Variants in CREBRF observed in about 807,000 individuals in gnomAD.
The protein encoded by CREBRF is UPF0474 protein C5orf41.
CREBRF carries 5 observed loss-of-function variants against 66.1 expected under a neutral mutation model. The ratio of observed to expected loss-of-function variants is 0.08; its 90% CI spans 0.04 to 0.16. The LOEUF (loss-of-function observed/expected upper bound fraction) is 0.16. Ranked by LOEUF, CREBRF falls within the 10% of genes least tolerant of loss-of-function variation. The pLI is 1.00. For missense variants in CREBRF, 531 were observed against 744.9 expected (o/e 0.71, Z 3.34); for synonymous variants, 229 against 264.4 (o/e 0.87, Z 1.30).
At chr5:173,121,074 C>A (rs1759128444) in intron 7 of CREBRF, among the ~76,000 whole-genome samples, 1 of 151,984 alleles carries the variant, frequency 6.6e-6, no homozygotes, top group Middle Eastern at 3.2e-3. Context: ...TTGTTAGCAC[C>A]ATATTTTCTT....
chr5:173,090,181 A>G lies in CREBRF; in HGVS notation c.136-134A>G. 1 of 575,320 alleles carries G rather than the reference A, an allele frequency of 1.7e-6. No individual in the cohort carries two copies. The highest frequency in any genetic ancestry group is 3.0e-6 in the Non-Finnish European group (1 of 335,236). The allele number at this position is 575,320 out of a possible 1,614,324, so 35.6% of individuals were successfully genotyped here. On this transcript the variant is annotated intron_variant, in intron 3 of 8. Coordinates refer to ENST00000296953, the MANE Select transcript of CREBRF (RefSeq NM_153607.3). The surrounding 1 kb of genome is among the most constrained non-coding windows in gnomAD (Gnocchi z 4.5). ...GGAAATGATGACATTATATGAAATG[A>G]TAAAGCGTCCTGTCAGTAGCCTTTA...
chr5:173,111,137 T>A (rs1758859819), intron 6 of CREBRF, among the ~76,000 whole-genome samples: 1 of 152,214 alleles, frequency 6.6e-6, no homozygotes, highest in Non-Finnish European at 1.5e-5. Context: ...TCCTTATGTC[T>A]CTTTGTAAAA....
intron 4 of CREBRF, among the ~76,000 whole-genome samples, chr5:173,107,691 T>C (rs1276866485): frequency 6.6e-6 from 1 of 152,118 alleles, no homozygotes; most frequent in African/African-American, 2.4e-5. Flanking sequence ...TGTATACAGC[T>C]GGGCTAGGCA....
chr5:173,062,753 T>TC (rs1456202250), intron 1 of CREBRF, among the ~76,000 whole-genome samples: 1 of 148,486 alleles, frequency 6.7e-6, no homozygotes, highest in Non-Finnish European at 1.5e-5. Context: ...CATTCTTTTT[T>TC]TTTTTTTTTT....
At chr5:173,091,430 C>T in intron 4 of CREBRF, 29 bp downstream of exon 4, 2 of 1,601,184 alleles carry the variant, frequency 1.2e-6, no homozygotes, top group Non-Finnish European at 1.7e-6. Flanking sequence ...GCTTACCAGA[C>T]TGACCTTTGT....
At chr5:173,063,634 G>A (rs1757348390) in intron 1 of CREBRF, among the ~76,000 whole-genome samples, 1 of 151,936 alleles carries the variant, frequency 6.6e-6, no homozygotes, top group African/African-American at 2.4e-5. Context: ...CTCTCAAAGT[G>A]CTGGGATTAC....
At chr5:173,071,353 AG>A (rs2113681147) in intron 1 of CREBRF, among the ~76,000 whole-genome samples, 1 of 152,196 alleles carries the variant, frequency 6.6e-6, no homozygotes, top group Non-Finnish European at 1.5e-5. Flanking sequence ...CTGGGATTAC[AG>A]GTGTGAGCCA....
At position 173,116,239 on chromosome 5, in the gene CREBRF, C is replaced by T. The variant is rs143612380; in HGVS notation, c.1681+3860C>T. 6.6e-4 allele frequency among the ~76,000 whole-genome samples: 101 copies of T among 152,226 alleles called. 1 individual carries two copies. The highest frequency in any genetic ancestry group is 2.2e-3 in the African/African-American group (91 of 41,526). ...AAATGTGTTTTCCTTACAGCTTTAC[C>T]GAGGTATAATTGAAGTACAGTACCT... is the stretch of plus-strand genomic sequence containing the variant. On this transcript the variant is annotated intron_variant, in intron 7 of 8. Coordinates refer to ENST00000296953, the MANE Select transcript of CREBRF (RefSeq NM_153607.3).
intron 1 of CREBRF, among the ~76,000 whole-genome samples, chr5:173,065,845 C>T (rs747293640): frequency 1.4e-4 from 21 of 151,880 alleles, no homozygotes; most frequent in Admixed American, 5.3e-4. Flanking sequence ...CCACATTGCC[C>T]AGGCTGGTCT....
chr5:173,088,865 A>G (rs1758243543), intron 3 of CREBRF, among the ~76,000 whole-genome samples: 1 of 152,084 alleles, frequency 6.6e-6, no homozygotes, highest in Non-Finnish European at 1.5e-5. Context: ...GTGAAATTAT[A>G]CTTCAGTAAA....
chr5:173,133,413 G>C (rs1759519315), intron 8 of CREBRF, among the ~76,000 whole-genome samples: 1 of 152,160 alleles, frequency 6.6e-6, no homozygotes, highest in Non-Finnish European at 1.5e-5. Context: ...ATTTTTCATG[G>C]CTATCCTTGG....
chr5:173,082,095 G>C (rs188299191), intron 2 of CREBRF, among the ~76,000 whole-genome samples: 7,224 of 132,058 alleles, frequency 0.055, 244 homozygotes, highest in Middle Eastern at 0.12. Context: ...CTCACTGCAA[G>C]CTCCACCTCC....
intron 1 of CREBRF, among the ~76,000 whole-genome samples, chr5:173,064,967 C>G (rs1171850110): frequency 6.6e-6 from 1 of 152,106 alleles, no homozygotes; most frequent in African/African-American, 2.4e-5. Context: ...CCTCAGCCTC[C>G]CAAAGTGTTG....
At chr5:173,085,548 C>G in intron 2 of CREBRF, 1 of 551,754 alleles carries the variant, frequency 1.8e-6, no homozygotes, top group East Asian at 3.1e-5. Flanking sequence ...TCCTGAGTAG[C>G]TGGGATTACA....
intron 3 of CREBRF, among the ~76,000 whole-genome samples, chr5:173,088,436 C>T (rs1248564113): frequency 5.6e-5 from 7 of 125,368 alleles, no homozygotes; most frequent in East Asian, 2.3e-4. Flanking sequence ...TTGCAGTGAG[C>T]GGAGATTGCA....
chr5:173,091,338 G>C lies in CREBRF; in HGVS notation c.1159G>C (p.Glu387Gln). 6.2e-7 allele frequency: 1 copy of C among 1,613,414 alleles called. No individual in the cohort carries two copies. Among genetic ancestry groups the C allele is most frequent in the Non-Finnish European group, 8.5e-7 (1 of 1,179,524 alleles). The change falls in exon 4 of 9, where the codon GAA becomes CAA. Residue 387 changes from glutamate to glutamine, a missense_variant. Glu to Gln is a conservative substitution (Grantham distance 29). Coordinates refer to ENST00000296953, the MANE Select transcript of CREBRF (RefSeq NM_153607.3). ...HELSENEEEE[E>Q]EEEDYEDDKD... is the part of the protein sequence containing the mutation. ...ACTGTCTGAAAATGAGGAGGAGGAA[G>C]AAGAGGAAGAGGATTATGAAGATGA...
intron 1 of CREBRF, among the ~76,000 whole-genome samples, chr5:173,058,623 A>G (rs987767683): frequency 6.6e-6 from 1 of 150,394 alleles, no homozygotes; most frequent in Non-Finnish European, 1.5e-5. Flanking sequence ...AGCTGGGACT[A>G]CAGGCGCCCG....
rs375508404 is a variant in CREBRF at position 173,133,737 on chromosome 5, A to G, written c.1912A>G (p.Lys638Glu). ...GLVGLRIPTSKV is the reference protein window; with the variant it reads ...GLVGLRIPTSEV Reference sequence around the variant, plus strand: ...TGTAGGATTAAGGATACCAACATCAAAGGTGTAATCAGCCTCATTGGACCA... The same window carrying G: ...TGTAGGATTAAGGATACCAACATCAGAGGTGTAATCAGCCTCATTGGACCA... The change falls in exon 9 of 9, where the codon AAG becomes GAG. Residue 638 changes from lysine to glutamate, a missense_variant. Lys to Glu is a moderately conservative substitution (Grantham distance 56). Around this residue, in one of 5 missense-constraint regions of CREBRF, gnomAD observed 64 missense variants for 111.3 expected, o/e 0.58. Coordinates refer to ENST00000296953, the MANE Select transcript of CREBRF (RefSeq NM_153607.3). 2.5e-6 allele frequency: 4 copies of G among 1,576,648 alleles called. No individual in the cohort carries two copies. The highest frequency in any genetic ancestry group is 3.5e-6 in the Non-Finnish European group (4 of 1,147,258).
rs1380045264 is a variant in CREBRF at position 173,135,468 on chromosome 5, A to G, written c.*1723A>G. The G allele has an allele frequency of 6.6e-6, 1 of 152,454 alleles. No homozygotes were observed. Among genetic ancestry groups the G allele is most frequent in the African/African-American group, 2.4e-5 (1 of 41,428 alleles). 9.4% of individuals were successfully genotyped at this position (152,454 alleles called of 1,614,324 possible). A position where few individuals can be genotyped will look rare whatever the true frequency, so the allele number is the denominator to read the frequency against. On this transcript the variant is annotated 3_prime_UTR_variant, in exon 9 of 9. Transcript: ENST00000296953. ...TCCATCCTGTCTCTCTTACTGTTTT[A>G]TTCTCAAATCTTGTGCTTTGAACTC... is the stretch of plus-strand genomic sequence containing the variant.
Sources: gnomAD v4.1 joint callset for allele counts (sites outside exome capture counted in the v4.1 genomes callset) on GRCh38, gnomAD v4.1.1 for gene constraint, gnomAD v4.1.1 regional missense constraint, Gnocchi (gnomAD v3.1) non-coding constraint, MANE v1.5 for transcripts, NCBI Gene and HGNC (gene_info 2026-07-23, HGNC 2026-07-21) for gene names.